PARD3: variants seen among roughly 807,000 people sequenced by gnomAD.
PARD3 encodes the protein par-3 family cell polarity regulator, also known as partitioning defective 3 homolog.
A neutral mutation model predicts 155.4 loss-of-function variants in PARD3; 75 were observed. The ratio of observed to expected loss-of-function variants is 0.48; its 90% CI spans 0.40 to 0.58. The LOEUF (loss-of-function observed/expected upper bound fraction) is 0.58, where lower values mean the gene tolerates loss of function less well. Among genes scored for constraint, PARD3 ranks in the 20% least tolerant of loss-of-function variants. PARD3 has a pLI of 0.00. For synonymous variants in PARD3, 576 were observed against 610.5 expected (o/e 0.94, Z 0.83); for missense variants, 1,642 against 1,721.7 (o/e 0.95, Z 0.82).
chr10:34,420,325 A>T (rs987189301), intron 5 of PARD3, among the ~76,000 whole-genome samples: 4 of 152,210 alleles, frequency 2.6e-5, no homozygotes, highest in Admixed American at 2.6e-4. Context: ...ATTTCTGTAG[A>T]TACGTGAAGA....
At chr10:34,217,217 T>C (rs1952042674) in intron 22 of PARD3, among the ~76,000 whole-genome samples, 1 of 151,962 alleles carries the variant, frequency 6.6e-6, no homozygotes, top group Non-Finnish European at 1.5e-5. Context: ...CTGGGTGCTC[T>C]CACTTGCTTG....
intron 14 of PARD3, among the ~76,000 whole-genome samples, 169 bp downstream of exon 14, chr10:34,358,978 A>T (rs1839177748): frequency 6.6e-6 from 1 of 152,236 alleles, no homozygotes; most frequent in South Asian, 2.1e-4. Context: ...CACAAGAATT[A>T]AGAACACAAA....
At chr10:34,601,258 T>C (rs1402640228) in intron 2 of PARD3, among the ~76,000 whole-genome samples, 3 of 140,176 alleles carry the variant, frequency 2.1e-5, no homozygotes, top group Admixed American at 7.2e-5. Context: ...AAGACTCTTA[T>C]CTCTACAAAG....
intron 19 of PARD3, among the ~76,000 whole-genome samples, chr10:34,328,644 G>A (rs1011811848): frequency 1.3e-5 from 2 of 152,160 alleles, no homozygotes; most frequent in African/African-American, 4.8e-5. Context: ...CAACACACCA[G>A]TTGAAAGTCA....
intron 1 of PARD3, among the ~76,000 whole-genome samples, chr10:34,791,786 G>A (rs1841658071): frequency 6.6e-6 from 1 of 151,638 alleles, no homozygotes; most frequent in Admixed American, 6.6e-5. Flanking sequence ...GCTACAGTGA[G>A]CTGTGATTGC....
intron 22 of PARD3, among the ~76,000 whole-genome samples, chr10:34,176,936 G>C (rs1431389051): frequency 7.3e-6 from 1 of 136,080 alleles, no homozygotes; most frequent in Non-Finnish European, 1.6e-5. Context: ...TCCTTCCTTA[G>C]GAGAAGCAGG....
chr10:34,517,033 G>A lies in PARD3; in HGVS notation c.349C>T (p.Gln117Ter), dbSNP rs1234358017. The A allele has an allele frequency of 6.2e-7, 1 of 1,614,074 alleles. No homozygotes were observed. Among genetic ancestry groups the A allele is most frequent in the African/African-American group, 1.3e-5 (1 of 74,938 alleles). Reference protein sequence around the residue: ...ELGTNNVSAFQPYQATSEIEV... With the variant: ...ELGTNNVSAF ...ATTTCACTTGTTGCTTGGTAAGGCTGAAAGGCTGAGACATTGTTGGTGCCA... is the reference window on the plus strand; with the variant it reads ...ATTTCACTTGTTGCTTGGTAAGGCTAAAAGGCTGAGACATTGTTGGTGCCA... The change falls in exon 3 of 25, where the codon CAG (glutamine) becomes TAG (stop). Residue 117 changes from glutamine (Q) to a stop codon, truncating the protein, a stop_gained. Transcript: ENST00000374788. LOFTEE classifies it high-confidence loss of function.
intron 2 of PARD3, among the ~76,000 whole-genome samples, chr10:34,590,681 A>G (rs1564387769): frequency 6.6e-6 from 1 of 152,208 alleles, no homozygotes; most frequent in African/African-American, 2.4e-5. Context: ...AACAATGATC[A>G]CACTTAGGGC....
At chr10:34,419,704 T>A (rs1005776828) in intron 5 of PARD3, among the ~76,000 whole-genome samples, 2 of 152,306 alleles carry the variant, frequency 1.3e-5, no homozygotes, top group African/African-American at 4.8e-5. Flanking sequence ...GTAAAGTATA[T>A]AAAATACAAT....
In PARD3 at chr10:34,145,209, ATATATATATATATTTTTT is replaced by A. The variant is rs1424454734; in HGVS notation, c.3420-13644_3420-13627del. On this transcript the variant is annotated intron_variant, in intron 22 of 24. Transcript: ENST00000374788. The stretch of plus-strand genomic sequence containing the variant: ...TGTGTGTATATATATATATATATAT[ATATATATATATATTTTTT>A]TTTTTTTTTTTTTTACAGGATCTTC... 3.1e-3 allele frequency among the ~76,000 whole-genome samples: 197 copies of A among 63,718 alleles called. 4 individuals carry two copies. The highest frequency in any genetic ancestry group is 0.016 in the African/African-American group (178 of 11,390). The allele number at this position is 63,718 out of a possible 152,430, so 41.8% of individuals were successfully genotyped here.
chr10:34,566,006 T>TCC (rs1193137054), intron 2 of PARD3, among the ~76,000 whole-genome samples: 1 of 152,176 alleles, frequency 6.6e-6, no homozygotes, highest in African/African-American at 2.4e-5. Context: ...CTCAATACAT[T>TCC]CCATCGATCC....
At chr10:34,370,798 T>C (rs539735172) in intron 12 of PARD3, among the ~76,000 whole-genome samples, 2 of 138,436 alleles carry the variant, frequency 1.4e-5, no homozygotes, top group East Asian at 4.4e-4. Flanking sequence ...ATGGTACAGA[T>C]ACAAATGGGG....
intron 2 of PARD3, among the ~76,000 whole-genome samples, chr10:34,665,907 A>AACAGAACAGAACAG (rs1194993561): frequency 1.2e-5 from 1 of 80,396 alleles, no homozygotes; most frequent in Non-Finnish European, 3.0e-5. Flanking sequence ...GAACAGAACA[A>AACAGAACAGAACAG]AAAGAAAAGA....
intron 2 of PARD3, among the ~76,000 whole-genome samples, chr10:34,554,533 T>C (rs2084840034): frequency 6.6e-6 from 1 of 152,216 alleles, no homozygotes; most frequent in African/African-American, 2.4e-5. Context: ...TAATACAAGC[T>C]TTATTCTTAA....
chr10:34,529,113 A>G, intron 2 of PARD3, among the ~76,000 whole-genome samples: 1 of 152,202 alleles, frequency 6.6e-6, no homozygotes, highest in East Asian at 1.9e-4. Flanking sequence ...CCTGGGACAC[A>G]ACTGGAGATG....
chr10:34,153,229 G>A (rs1019989854), intron 22 of PARD3, among the ~76,000 whole-genome samples: 1 of 152,066 alleles, frequency 6.6e-6, no homozygotes, highest in African/African-American at 2.4e-5. Context: ...TCCCACCTCA[G>A]CCTCCTGAGA....
intron 23 of PARD3, among the ~76,000 whole-genome samples, chr10:34,126,107 C>T (rs1442663060): frequency 2.0e-5 from 3 of 152,166 alleles, no homozygotes; most frequent in Non-Finnish European, 4.4e-5. Flanking sequence ...CCTGGCACTA[C>T]GTGAGGAAGA....
chr10:34,743,270 A>G (rs1424067454), intron 1 of PARD3, among the ~76,000 whole-genome samples: 1 of 152,152 alleles, frequency 6.6e-6, no homozygotes, highest in Non-Finnish European at 1.5e-5. Flanking sequence ...CTGGTTTCCT[A>G]AGGAACTAGA....
chr10:34,640,736 A>AAAAAAAG (rs2092651601), intron 2 of PARD3, among the ~76,000 whole-genome samples: 1 of 144,068 alleles, frequency 6.9e-6, no homozygotes, highest in African/African-American at 2.6e-5. Flanking sequence ...AAAAAAAAAA[A>AAAAAAAG]GCACTTTTAG....
Sources: gnomAD v4.1 joint callset for allele counts (sites outside exome capture counted in the v4.1 genomes callset) on GRCh38, gnomAD v4.1.1 for gene constraint, MANE v1.5 for transcripts, NCBI Gene and HGNC (gene_info 2026-07-23, HGNC 2026-07-21) for gene names.